The following GPR19 variants were observed in gnomAD, a reference collection of about 807,000 sequenced individuals.
GPR19 encodes G protein-coupled receptor 19.
Under a neutral mutation model 28.5 loss-of-function variants are expected in GPR19, and 14 were observed. That is an observed-to-expected ratio of 0.49 (90% CI 0.32 to 0.77). GPR19 has a LOEUF of 0.77. GPR19 is among the 30% of genes least tolerant of loss of function. The pLI, the probability that GPR19 is intolerant of heterozygous loss-of-function variation, is 0.03. For missense variants in GPR19, 409 were observed against 504.1 expected (o/e 0.81, Z 1.81); for synonymous variants, 173 against 184.1 (o/e 0.94, Z 0.49).
rs377570763 is a variant in GPR19, at chr12:12,692,275, G to A, written c.-180+3184C>T. On this transcript the variant is annotated intron_variant, in intron 2 of 3. Transcript: ENST00000651487. Reference sequence around the variant, plus strand: ...CAACTATAGCTCCTTTGACCAGCTGGCCACTTATCTAACTCCAGAAAGACC... The same window carrying A: ...CAACTATAGCTCCTTTGACCAGCTGACCACTTATCTAACTCCAGAAAGACC... Among the ~76,000 whole-genome samples, 30 of 152,256 alleles carry A rather than the reference G, an allele frequency of 2.0e-4. No individual in the cohort carries two copies. In the East Asian group the frequency reaches 4.1e-3, roughly 21 times the overall value.
At chr12:12,705,081 AAAGGCTTTTT>A in the GPR19 span, among the ~76,000 whole-genome samples, 1 of 152,008 alleles carries the variant, frequency 6.6e-6, no homozygotes, top group African/African-American at 2.4e-5. Flanking sequence ...CAGCATTGGG[AAAGGCTTTTT>A]GTCAAGAATA....
intron 2 of GPR19, among the ~76,000 whole-genome samples, chr12:12,694,153 G>C (rs1321092850): frequency 2.0e-5 from 3 of 146,760 alleles, no homozygotes; most frequent in African/African-American, 7.6e-5. Context: ...AGCTCCCAAG[G>C]TGATTCTAAT....
At chr12:12,713,990 C>CG in the GPR19 span, among the ~76,000 whole-genome samples, 1 of 152,196 alleles carries the variant, frequency 6.6e-6, no homozygotes, top group Admixed American at 6.5e-5. Context: ...CATTTTCTGT[C>CG]TCCTCTCCCC....
intron 3 of GPR19, among the ~76,000 whole-genome samples, chr12:12,682,038 A>G (rs1416897253): frequency 6.6e-6 from 1 of 152,188 alleles, no homozygotes; most frequent in Non-Finnish European, 1.5e-5. Context: ...GTCAGACTGG[A>G]TTAGGAGAGA....
chr12:12,716,951 G>T, the GPR19 span: 2 of 985,322 alleles, frequency 2.0e-6, no homozygotes, highest in Non-Finnish European at 2.4e-6. Context: ...GGCTCCTAGC[G>T]AGCTGCCGGC....
intron 3 of GPR19, among the ~76,000 whole-genome samples, chr12:12,665,845 AAAAGAAAACAAAG>A (rs1945768817): frequency 7.9e-6 from 1 of 126,960 alleles, no homozygotes; most frequent in South Asian, 2.7e-4. Flanking sequence ...AAAAAAAAAA[AAAAGAAAACAAAG>A]ATACGTAAGC....
At chr12:12,672,010 G>A (rs1945860641) in intron 3 of GPR19, among the ~76,000 whole-genome samples, 1 of 152,186 alleles carries the variant, frequency 6.6e-6, no homozygotes. Flanking sequence ...GAATTAAGAT[G>A]GGGTGTCATT....
intron 3 of GPR19, chr12:12,669,074 T>C (rs1454022975): frequency 6.6e-6 from 1 of 152,204 alleles, no homozygotes; most frequent in Non-Finnish European, 1.5e-5. Context: ...TGACTATTCA[T>C]TCAAAGAGAG....
At chr12:12,679,904 G>A (rs908910383) in intron 3 of GPR19, among the ~76,000 whole-genome samples, 1 of 151,976 alleles carries the variant, frequency 6.6e-6, no homozygotes, top group Non-Finnish European at 1.5e-5. Context: ...TCACTTTATT[G>A]ATTTTCTATG....
intron 3 of GPR19, among the ~76,000 whole-genome samples, chr12:12,681,184 C>T (rs1402262939): frequency 6.6e-6 from 1 of 152,166 alleles, no homozygotes; most frequent in Admixed American, 6.5e-5. Flanking sequence ...AAACTACGTC[C>T]ACACTCTGGT....
intron 3 of GPR19, among the ~76,000 whole-genome samples, chr12:12,674,009 C>T (rs896098872): frequency 2.6e-5 from 4 of 151,766 alleles, no homozygotes; most frequent in Admixed American, 6.6e-5. Context: ...GTCAGGAGTT[C>T]GAGACCAGCC....
chr12:12,681,017 C>G (rs2041352749), intron 3 of GPR19, among the ~76,000 whole-genome samples: 1 of 151,870 alleles, frequency 6.6e-6, no homozygotes, highest in African/African-American at 2.4e-5. Context: ...AGGCTGGTCT[C>G]AAATTCCTGG....
chr12:12,667,912 T>C (rs1367478431), intron 3 of GPR19, among the ~76,000 whole-genome samples: 1 of 152,110 alleles, frequency 6.6e-6, no homozygotes, highest in Admixed American at 6.5e-5. Flanking sequence ...TTAATGAATA[T>C]ATGAATGGGT....
chr12:12,707,758 G>A, the GPR19 span, among the ~76,000 whole-genome samples: 6 of 151,658 alleles, frequency 4.0e-5, no homozygotes, highest in South Asian at 6.2e-4. Context: ...TCGCTCTGTC[G>A]CCCAGGCTGG....
chr12:12,661,238 C>G lies in GPR19; in HGVS notation c.1211G>C (p.Trp404Ser). 6.2e-7 allele frequency: 1 copy of G among 1,612,126 alleles called. No homozygotes were observed. The change falls in exon 4 of 4, where the codon TGG (tryptophan) becomes TCG (serine). Residue 404 changes from tryptophan (W) to serine (S), a missense_variant. By Grantham distance (177) the Trp-to-Ser change is radical. Transcript: ENST00000651487. The surrounding 1 kb of genome is among the most constrained non-coding windows in gnomAD (Gnocchi z 4.2). ...DREAKEKKLA[W>S]PINSNPPNTF... ...ATTTGGTGGATTTGAGTTAATGGGC[C>G]AAGCAAGCTTTTTTTCCTTGGCTTC... is the stretch of plus-strand genomic sequence containing the variant.
upstream of GPR19, among the ~76,000 whole-genome samples, chr12:12,701,102 C>T (rs916024357): frequency 2.0e-5 from 3 of 152,086 alleles, no homozygotes; most frequent in Non-Finnish European, 2.9e-5. Context: ...ATCAGTTTTC[C>T]CCCAATGGGG....
In GPR19 at chr12:12,691,796, T is replaced by A. The variant is rs192943475; in HGVS notation, c.-180+3663A>T. ...CCTAATTTTCATTTTCCACTGTCCCTTTGAAAACACCCTTCAAGGGTGTCT... is the reference window on the plus strand; with the variant it reads ...CCTAATTTTCATTTTCCACTGTCCCATTGAAAACACCCTTCAAGGGTGTCT... On this transcript the variant is annotated intron_variant, in intron 2 of 3. Transcript: ENST00000651487. 1.8e-3 allele frequency among the ~76,000 whole-genome samples: 267 copies of A among 152,316 alleles called. 1 individual carries two copies. The highest frequency in any genetic ancestry group is 6.1e-3 in the African/African-American group (255 of 41,564).
At chr12:12,707,096 C>T in the GPR19 span, among the ~76,000 whole-genome samples, 2 of 152,162 alleles carry the variant, frequency 1.3e-5, no homozygotes, top group Non-Finnish European at 2.9e-5. Flanking sequence ...ACCATGTTTC[C>T]AGCTTACTAG....
At chr12:12,669,528 A>T (rs7964501) in intron 3 of GPR19, among the ~76,000 whole-genome samples, 5,416 of 152,254 alleles carry the variant, frequency 0.036, 164 homozygotes, top group Middle Eastern at 0.088. Context: ...AAAATGAGAA[A>T]TGCCTGTAAC....
Sources: allele counts gnomAD v4.1 joint callset (sites outside exome capture counted in the v4.1 genomes callset), GRCh38; gene constraint gnomAD v4.1.1; non-coding constraint Gnocchi (gnomAD v3.1); transcripts MANE v1.5; gene names NCBI Gene and HGNC (gene_info 2026-07-23, HGNC 2026-07-21).